AGBL1: variants seen among roughly 807,000 people sequenced by gnomAD.
The protein encoded by AGBL1 is AGBL carboxypeptidase 1, also known as cytosolic carboxypeptidase 4.
In AGBL1, 130 loss-of-function variants were observed where a neutral mutation model predicts 118.9. The ratio of observed to expected loss-of-function variants is 1.09; its 90% confidence interval spans 0.95 to 1.26. The LOEUF (loss-of-function observed/expected upper bound fraction) is 1.26. Among genes scored for constraint, AGBL1 ranks in the 50% most tolerant of loss-of-function variants. The pLI is 0.00. For synonymous variants in AGBL1, 555 were observed against 478.9 expected, an observed-to-expected ratio of 1.16 and a Z score of -2.08; for missense variants, 1,584 against 1,298.1, an observed-to-expected ratio of 1.22 and a Z score of -3.38.
intron 18 of AGBL1, among the ~76,000 whole-genome samples, chr15:86,425,624 T>C (rs531015901): frequency 2.7e-4 from 41 of 152,290 alleles, no homozygotes; most frequent in African/African-American, 9.6e-4. Flanking sequence ...GCAGAAAACA[T>C]TTTCAATAAA....
rs76468014 is a variant in AGBL1 at position 86,676,746 on chromosome 15, G to A, written c.3158+2310G>A. 2.0e-3 allele frequency among the ~76,000 whole-genome samples: 303 copies of A among 152,204 alleles called. 4 individuals are homozygous for A. In the East Asian group the frequency reaches 0.022, roughly 11 times the overall value. On this transcript the variant is annotated intron_variant, in intron 22 of 22. Coordinates refer to ENST00000614907, the MANE Select transcript of AGBL1 (RefSeq NM_001386094.1). Reference sequence around the variant, plus strand: ...ACAAGAAGATTTGTATTGTTGTTGCGTGGAAGGAATTGTGAATAACATTGT... The same window carrying A: ...ACAAGAAGATTTGTATTGTTGTTGCATGGAAGGAATTGTGAATAACATTGT...
rs531470338 is a variant in AGBL1 at position 86,409,028 on chromosome 15, C to T, written c.2555+11482C>T. ...ACAACTTTATAAAATGAAAGACAGA[C>T]ACATATTTAAATTTTAAAAAATATG... On this transcript the variant is annotated intron_variant, in intron 18 of 22. Transcript: ENST00000614907. Among the ~76,000 whole-genome samples the T allele has an allele frequency of 2.0e-4, 31 of 152,286 alleles. 1 individual carries two copies. In the South Asian group the frequency reaches 5.6e-3, roughly 27 times the overall value.
chr15:86,819,700 G>C (rs2078912514), intron 22 of AGBL1, among the ~76,000 whole-genome samples: 1 of 152,082 alleles, frequency 6.6e-6, no homozygotes, highest in Admixed American at 6.6e-5. Flanking sequence ...TCTACATTAT[G>C]AAAATGGCTA....
intron 22 of AGBL1, among the ~76,000 whole-genome samples, chr15:86,808,224 G>T (rs1023738834): frequency 6.6e-6 from 1 of 152,048 alleles, no homozygotes; most frequent in Non-Finnish European, 1.5e-5. Flanking sequence ...TTCTCCATGC[G>T]TCTCAGTTGA....
intron 21 of AGBL1, among the ~76,000 whole-genome samples, chr15:86,616,362 A>AT (rs1567085054): frequency 6.6e-5 from 10 of 151,546 alleles, no homozygotes; most frequent in East Asian, 5.8e-4. Flanking sequence ...AAAAAAAAAA[A>AT]AAAAAAAAAA....
chr15:86,822,908 A>C (rs2078961287), intron 22 of AGBL1, among the ~76,000 whole-genome samples: 2 of 152,148 alleles, frequency 1.3e-5, no homozygotes. Flanking sequence ...TATGGTAAGT[A>C]CATGCTCTTA....
chr15:86,881,904 A>G (rs2079897174), intron 22 of AGBL1, among the ~76,000 whole-genome samples: 1 of 152,172 alleles, frequency 6.6e-6, no homozygotes, highest in African/African-American at 2.4e-5. Context: ...GGTAGTACCA[A>G]AAGGGGATGG....
intron 1 of AGBL1, among the ~76,000 whole-genome samples, chr15:86,130,831 G>T (rs2076809833): frequency 6.6e-6 from 1 of 152,038 alleles, no homozygotes; most frequent in Non-Finnish European, 1.5e-5. Flanking sequence ...CTCACATTTT[G>T]GTGGTCAGGC....
intron 22 of AGBL1, among the ~76,000 whole-genome samples, chr15:86,876,228 G>A (rs746837775): frequency 3.3e-5 from 5 of 152,116 alleles, no homozygotes; most frequent in Non-Finnish European, 5.9e-5. Context: ...AGAACAATGA[G>A]AGTCTCAAAC....
At chr15:86,942,331 T>G (rs1268301603) in intron 23 of AGBL1, among the ~76,000 whole-genome samples, 1 of 152,228 alleles carries the variant, frequency 6.6e-6, no homozygotes, top group Non-Finnish European at 1.5e-5. Context: ...GAAGTCATGG[T>G]TCTACTCCTG....
At chr15:86,722,776 T>A (rs530558530) in intron 22 of AGBL1, among the ~76,000 whole-genome samples, 47 of 151,998 alleles carry the variant, frequency 3.1e-4, no homozygotes, top group African/African-American at 9.6e-4. Context: ...AGGGCTAATA[T>A]CCAGAATCTA....
At chr15:86,944,453 C>T (rs559265281) in intron 23 of AGBL1, among the ~76,000 whole-genome samples, 2 of 152,214 alleles carry the variant, frequency 1.3e-5, no homozygotes, top group South Asian at 2.1e-4. Context: ...AAGCATGGCA[C>T]CATTCGGGGA....
At chr15:86,451,839 TC>T (rs1185000636) in intron 18 of AGBL1, among the ~76,000 whole-genome samples, 2 of 152,016 alleles carry the variant, frequency 1.3e-5, no homozygotes, top group African/African-American at 4.8e-5. Flanking sequence ...AAATTAAACT[TC>T]CCAAAAAGTG....
chr15:86,887,209 C>T (rs2079982658), intron 22 of AGBL1, among the ~76,000 whole-genome samples: 1 of 152,128 alleles, frequency 6.6e-6, no homozygotes, highest in Non-Finnish European at 1.5e-5. Flanking sequence ...ATCATTCTGC[C>T]ATCTATCCTC....
chr15:86,321,713 C>T (rs1189014206), intron 17 of AGBL1, among the ~76,000 whole-genome samples: 1 of 151,768 alleles, frequency 6.6e-6, no homozygotes, highest in African/African-American at 2.4e-5. Flanking sequence ...GGAGGTGAAG[C>T]CTGCAGTTAG....
At chr15:87,003,187 AG>A (rs200380083) in intron 24 of AGBL1, among the ~76,000 whole-genome samples, 15,059 of 152,174 alleles carry the variant, frequency 0.099, 1,325 homozygotes, top group African/African-American at 0.23. Flanking sequence ...TTTAGTATGA[AG>A]GGCTGTTGAA....
chr15:86,397,458 A>G lies in AGBL1; in HGVS notation c.2467A>G (p.Ser823Gly). ...VMKGTLEFLV[S>G]SDPVARLLRE... ...GAAGGGTACCTTGGAGTTCCTGGTC[A>G]GCAGTGACCCTGTGGCTAGGCTCTT... The change falls in exon 18 of 23, where the codon AGC becomes GGC. Residue 823 changes from serine to glycine, a missense_variant. Ser to Gly is a moderately conservative substitution (Grantham distance 56). Transcript: ENST00000614907. 6.2e-7 allele frequency: 1 copy of G among 1,613,220 alleles called. No individual in the cohort carries two copies. The highest frequency in any genetic ancestry group is 1.3e-5 in the African/African-American group (1 of 74,996).
chr15:86,168,751 T>G lies in AGBL1; in HGVS notation c.488+9725T>G, dbSNP rs374066747. Among the ~76,000 whole-genome samples, 266 of 152,280 alleles carry G rather than the reference T, an allele frequency of 1.7e-3. 4 individuals are homozygous for G. In the South Asian group the frequency reaches 0.051, roughly 29 times the overall value. ...CTACATTCCCAGCAGCATATGAATG[T>G]CCATTTAATTGAATCCTCACCAACA... On this transcript the variant is annotated intron_variant, in intron 5 of 22. Coordinates refer to ENST00000614907, the MANE Select transcript of AGBL1 (RefSeq NM_001386094.1).
chr15:86,490,135 A>T (rs2082761160), intron 18 of AGBL1, among the ~76,000 whole-genome samples: 1 of 152,034 alleles, frequency 6.6e-6, no homozygotes, highest in African/African-American at 2.4e-5. Flanking sequence ...GAGCCATCTT[A>T]GCCTTCTTCC....
Sources: gnomAD v4.1 joint callset for allele counts (sites outside exome capture counted in the v4.1 genomes callset) on GRCh38, gnomAD v4.1.1 for gene constraint, MANE v1.5 for transcripts, NCBI Gene and HGNC (gene_info 2026-07-23, HGNC 2026-07-21) for gene names.